Variants in SLC25A41 observed in about 807,000 individuals in gnomAD.
SLC25A41 encodes the protein mitochondrial carrier protein SCaMC-3L.
Under a neutral mutation model 34.7 loss-of-function variants are expected in SLC25A41, and 35 were observed. The observed-to-expected ratio is 1.01, with a 90% CI of 0.77 to 1.34. The LOEUF (loss-of-function observed/expected upper bound fraction) is 1.34. SLC25A41 is among the 40% of genes most tolerant of loss of function. The pLI is 0.00. For synonymous variants in SLC25A41, 190 were observed against 209.9 expected (o/e 0.91, Z 0.82); for missense variants, 492 against 489.8 (o/e 1.00, Z -0.04).
At chr19:6,432,020 G>A (rs1260898493) in intron 2 of SLC25A41, 29 bp downstream of exon 2, 8 of 1,595,176 alleles carry the variant, frequency 5.0e-6, no homozygotes, top group Non-Finnish European at 6.8e-6. Flanking sequence ...CCAGCGCTGG[G>A]TCCCGTCCTC....
At position 6,430,035 on chromosome 19, in the gene SLC25A41, C is replaced by G; in HGVS notation, c.490G>C (p.Ala164Pro). The change falls in exon 3 of 7, where the codon GCC becomes CCC. Residue 164 changes from alanine (A) to proline (P), a missense_variant. Ala to Pro is a conservative substitution (Grantham distance 27, BLOSUM62 -1). Coordinates refer to ENST00000321510, the MANE Select transcript of SLC25A41 (RefSeq NM_173637.4). ...INVLKIAPEYAIKFSVFEQCK... is the reference protein window; with the variant it reads ...INVLKIAPEYPIKFSVFEQCK... ...TGCTCGAATACGGAGAACTTGATGG[C>G]ATACTCAGGAGCAATCTTGAGCACG... The G allele has an allele frequency of 6.2e-7, 1 of 1,612,468 alleles. No homozygotes were observed. Among genetic ancestry groups the G allele is most frequent in the Non-Finnish European group, 8.5e-7 (1 of 1,179,266 alleles).
chr19:6,426,342 G>A lies in SLC25A41; in HGVS notation c.*47C>T. The stretch of plus-strand genomic sequence containing the variant: ...GCTCTTTGGGGCCAGGGGTCATCAG[G>A]TCCTCCTGTCCCATTTCTGCCTAGG... On this transcript the variant is annotated 3_prime_UTR_variant, in exon 7 of 7. Transcript: ENST00000321510. 6.4e-7 allele frequency: 1 copy of A among 1,560,372 alleles called. No homozygotes were observed.
chr19:6,427,303 A>G lies in SLC25A41; in HGVS notation c.792+31T>C. 2 of 1,606,536 alleles carry G rather than the reference A, an allele frequency of 1.2e-6. No homozygotes were observed. The highest frequency in any genetic ancestry group is 1.7e-6 in the Non-Finnish European group (2 of 1,175,330). On this transcript the variant is annotated intron_variant, in intron 5 of 6. Transcript: ENST00000321510. This position sits in a 1 kb window ranked among gnomAD's most constrained non-coding sequence, Gnocchi z 4.9. Reference sequence around the variant, plus strand: ...CTCACTAGGAGCCTGGGCTCCGGCCAGCCCTGCCACCCCCTCTGCAGGACC... The same window carrying G: ...CTCACTAGGAGCCTGGGCTCCGGCCGGCCCTGCCACCCCCTCTGCAGGACC...
intron 3 of SLC25A41, 86 bp downstream of exon 3, chr19:6,429,923 T>C (rs781740506): frequency 1.7e-4 from 274 of 1,587,684 alleles, no homozygotes; most frequent in Middle Eastern, 3.3e-4. Context: ...GGAGGGTGAG[T>C]GTGTGCTTGA....
chr19:6,433,866 C>T (rs2092296674), upstream of SLC25A41: 2 of 492,346 alleles, frequency 4.1e-6, no homozygotes, highest in South Asian at 4.1e-5. Flanking sequence ...CCCCTTCCCC[C>T]AAGTATCCAC....
At position 6,430,026 on chromosome 19, in the gene SLC25A41, A is replaced by C; in HGVS notation, c.499T>G (p.Phe167Val). 6.2e-7 allele frequency: 1 copy of C among 1,612,544 alleles called. No individual in the cohort carries two copies. The highest frequency in any genetic ancestry group is 8.5e-7 in the Non-Finnish European group (1 of 1,179,286). Reference protein sequence around the residue: ...LKIAPEYAIKFSVFEQCKNYF... With the variant: ...LKIAPEYAIKVSVFEQCKNYF... ...TTCCCCACCTGCTCGAATACGGAGA[A>C]CTTGATGGCATACTCAGGAGCAATC... is the stretch of plus-strand genomic sequence containing the variant. Residue 167 changes from phenylalanine to valine, a missense_variant, in exon 3 of 7, where the codon TTC becomes GTC. Phe to Val is a conservative substitution (Grantham distance 50, BLOSUM62 -1). Transcript: ENST00000321510.
At chr19:6,433,856 C>A (rs549943466), upstream of SLC25A41, 30 of 502,576 alleles carry the variant, frequency 6.0e-5, no homozygotes, top group Non-Finnish European at 1.0e-4. Context: ...GCGTGATGGC[C>A]CCCTTCCCCC....
In SLC25A41 at chr19:6,433,637, A is replaced by C. The variant is rs1599261375; in HGVS notation, c.57T>G (p.Phe19Leu). ...QNTCSRIQTL[F>L]RRVKTLLIKA... ...TGATGAGTAAGGTCTTGACCCTCCT[A>C]AACAGTGTCTGGATCCTAGAGCAAG... is the stretch of plus-strand genomic sequence containing the variant. Residue 19 changes from phenylalanine (F) to leucine (L), a missense_variant, in exon 1 of 7, where the codon TTT (phenylalanine) becomes TTG (leucine). Physicochemically the swap from Phe to Leu is conservative, Grantham distance 22 (BLOSUM62 0). Transcript: ENST00000321510. The C allele has an allele frequency of 6.2e-7, 1 of 1,607,428 alleles. No homozygotes were observed. The highest frequency in any genetic ancestry group is 2.2e-5 in the East Asian group (1 of 44,790).
In SLC25A41 at chr19:6,433,669, G is replaced by C; in HGVS notation, c.25C>G (p.Gln9Glu). MGAQPGEP[Q>E]NTCSRIQTLF... The stretch of plus-strand genomic sequence containing the variant: ...GTCTGGATCCTAGAGCAAGTGTTCT[G>C]AGGTTCCCCAGGCTGAGCGCCCATG... Residue 9 changes from glutamine to glutamate, a missense_variant, in exon 1 of 7, where the codon CAG becomes GAG. Coordinates refer to ENST00000321510, the MANE Select transcript of SLC25A41 (RefSeq NM_173637.4). 6.3e-7 allele frequency: 1 copy of C among 1,580,524 alleles called. No homozygotes were observed. Among genetic ancestry groups the C allele is most frequent in the Non-Finnish European group, 8.6e-7 (1 of 1,159,226 alleles).
chr19:6,431,416 G>T (rs1197390539), intron 2 of SLC25A41, among the ~76,000 whole-genome samples: 1 of 150,154 alleles, frequency 6.7e-6, no homozygotes, highest in Non-Finnish European at 1.5e-5. Context: ...GCTTGAGGTA[G>T]CTCCAGTTCT....
In SLC25A41 at chr19:6,429,828, T is replaced by A; in HGVS notation, c.520A>T (p.Lys174Ter). Residue 174 changes from lysine (K) to a stop codon, truncating the protein, a stop_gained, in exon 4 of 7, where the codon AAG becomes TAG. Transcript: ENST00000321510. LOFTEE classifies it high-confidence loss of function. ...AIKFSVFEQC[K>*]NYFCGIQGSP... ...CCTTGTATTCCACAGAAGTAATTCT[T>A]GCACTGGGAGAGGAGAGAGGAGGGT... The A allele has an allele frequency of 3.1e-6, 5 of 1,610,378 alleles. No homozygotes were observed. Among genetic ancestry groups the A allele is most frequent in the Non-Finnish European group, 4.2e-6 (5 of 1,178,684 alleles).
At position 6,429,786 on chromosome 19, in the gene SLC25A41, C is replaced by T; in HGVS notation, c.562G>A (p.Glu188Lys). ...CGIQGSPPFQ[E>K]RLLAGSLAVA... Reference sequence around the variant, plus strand: ...GCCAGGGAGCCAGCAAGGAGACGCTCCTGGAAGGGCGGGGACCCTTGTATT... The same window carrying T: ...GCCAGGGAGCCAGCAAGGAGACGCTTCTGGAAGGGCGGGGACCCTTGTATT... The change falls in exon 4 of 7, where the codon GAG becomes AAG. Residue 188 changes from glutamate (E) to lysine (K), a missense_variant. By Grantham distance (56) the Glu-to-Lys change is moderately conservative (BLOSUM62 1). Transcript: ENST00000321510. The T allele has an allele frequency of 6.2e-7, 1 of 1,610,830 alleles. No individual in the cohort carries two copies. The highest frequency in any genetic ancestry group is 1.1e-5 in the South Asian group (1 of 90,880).
chr19:6,429,064 A>ATATATGT lies in SLC25A41; in HGVS notation c.624+659_624+660insACATATA, dbSNP rs2092260415. Among the ~76,000 whole-genome samples, 4 of 64,124 alleles carry ATATATGT rather than the reference A, an allele frequency of 6.2e-5. 2 individuals carry two copies. The highest frequency in any genetic ancestry group is 3.0e-4 in the African/African-American group (4 of 13,194). The allele number at this position is 64,124 out of a possible 152,430, so 42.1% of individuals were successfully genotyped here. A position where few individuals can be genotyped will look rare whatever the true frequency, so the allele number is the denominator to read the frequency against. ...AATATATATATTATATATATGTTATATATATATATAATATATATATTATAT... is the reference window on the plus strand; with the variant it reads ...AATATATATATTATATATATGTTATATATATGTTATATATATAATATATATATTATAT... On this transcript the variant is annotated intron_variant, in intron 4 of 6. Coordinates refer to ENST00000321510, the MANE Select transcript of SLC25A41 (RefSeq NM_173637.4).
rs2092248392 is a variant in SLC25A41 at position 6,427,416 on chromosome 19, C to T, written c.710G>A (p.Gly237Asp). Residue 237 changes from glycine to aspartate, a missense_variant, in exon 5 of 7, where the codon GGC becomes GAC. By Grantham distance (94) the Gly-to-Asp change is moderately conservative (BLOSUM62 -1). Transcript: ENST00000321510. This position sits in a 1 kb window ranked among gnomAD's most constrained non-coding sequence, Gnocchi z 4.9. Reference protein sequence around the residue: ...DCARQILQREGTRALYRGYLP... With the variant: ...DCARQILQREDTRALYRGYLP... ...GTAGCCGCGGTAAAGGGCGCGGGTG[C>T]CCTCTCGCTGCAAGATCTGCCTGGC... 2.5e-6 allele frequency: 4 copies of T among 1,609,784 alleles called. No homozygotes were observed. In the South Asian group the frequency reaches 3.3e-5, roughly 13 times the overall value.
intron 2 of SLC25A41, 107 bp from the exon 3 acceptor site, chr19:6,430,268 A>ACCCAT: frequency 8.0e-7 from 1 of 1,253,072 alleles, no homozygotes; most frequent in Admixed American, 2.8e-5. Context: ...CCCAACCCCA[A>ACCCAT]CCCATCCCCA....
chr19:6,430,192 C>T (rs753431363), intron 2 of SLC25A41, 31 bp from the exon 3 acceptor site: 3 of 1,583,564 alleles, frequency 1.9e-6, no homozygotes, highest in African/African-American at 1.3e-5. Context: ...GGAGGAGCCC[C>T]TGCTCGCCTC....
rs149439370 is a variant in SLC25A41, at chr19:6,430,786, C to G, written c.364-625G>C. 1.2e-3 allele frequency among the ~76,000 whole-genome samples: 182 copies of G among 152,138 alleles called. 1 individual carries two copies. Among genetic ancestry groups the G allele is most frequent in the African/African-American group, 4.2e-3 (176 of 41,514 alleles). On this transcript the variant is annotated intron_variant, in intron 2 of 6. Transcript: ENST00000321510. ...TACAGGCATCAGCCACCGCGCCTGG[C>G]CTTCTTTTCCTTTTCTTTCTTGTTT...
chr19:6,428,034 C>A (rs1453081058), intron 4 of SLC25A41, among the ~76,000 whole-genome samples: 1 of 151,972 alleles, frequency 6.6e-6, no homozygotes, highest in African/African-American at 2.4e-5. Context: ...CAGGGCCTTC[C>A]TAGGGCAGTG....
upstream of SLC25A41, among the ~76,000 whole-genome samples, chr19:6,435,671 G>T (rs574233751): frequency 3.3e-5 from 5 of 152,146 alleles, no homozygotes; most frequent in South Asian, 1.0e-3. Context: ...AGCCTGGGCA[G>T]CAAAGCAAGA....
Sources: gnomAD v4.1 joint callset for allele counts (sites outside exome capture counted in the v4.1 genomes callset) on GRCh38, gnomAD v4.1.1 for gene constraint, Gnocchi (gnomAD v3.1) non-coding constraint, MANE v1.5 for transcripts, NCBI Gene and HGNC (gene_info 2026-07-23, HGNC 2026-07-21) for gene names.